SDK1: variants seen among roughly 807,000 people sequenced by gnomAD.
SDK1 encodes sidekick cell adhesion molecule 1.
A neutral mutation model predicts 245.5 loss-of-function variants in SDK1; 157 were observed. The observed-to-expected ratio is 0.64, with a 90% confidence interval of 0.56 to 0.73. SDK1 has a LOEUF of 0.73. SDK1 is among the 30% of genes least tolerant of loss of function. The pLI is 0.00. For synonymous variants in SDK1, 1,647 were observed against 1,278.5 expected, an observed-to-expected ratio of 1.29 and a Z score of -6.15; for missense variants, 3,583 against 3,002.3, an observed-to-expected ratio of 1.19 and a Z score of -4.52.
intron 14 of SDK1, among the ~76,000 whole-genome samples, chr7:3,998,399 C>A (rs1220619570): frequency 6.6e-6 from 1 of 152,222 alleles, no homozygotes; most frequent in Non-Finnish European, 1.5e-5. Flanking sequence ...GTAATACATT[C>A]CTTCCATTCC....
chr7:3,319,449 C>T (rs1012440534), intron 1 of SDK1, among the ~76,000 whole-genome samples: 1 of 152,166 alleles, frequency 6.6e-6, no homozygotes, highest in African/African-American at 2.4e-5. Context: ...CCCATCTACA[C>T]CCATGGCTGG....
intron 1 of SDK1, among the ~76,000 whole-genome samples, chr7:3,476,449 C>G (rs142502948): frequency 1.0e-3 from 155 of 152,246 alleles, no homozygotes; most frequent in Non-Finnish European, 1.8e-3. Flanking sequence ...GATTATTATG[C>G]CATTGTTCTC....
At chr7:3,971,670 C>A in intron 12 of SDK1, 102 bp downstream of exon 12, 2 of 842,598 alleles carry the variant, frequency 2.4e-6, no homozygotes, top group Non-Finnish European at 3.9e-6. Context: ...CTTTTGATTT[C>A]AGCAGCAGGT....
chr7:3,654,761 C>T (rs1051473219), intron 4 of SDK1, among the ~76,000 whole-genome samples: 2 of 152,132 alleles, frequency 1.3e-5, no homozygotes, highest in Non-Finnish European at 2.9e-5. Context: ...TGGTTCCATT[C>T]GAGTTGGCCA....
At chr7:3,875,680 G>A (rs1562506670) in intron 5 of SDK1, among the ~76,000 whole-genome samples, 2 of 152,176 alleles carry the variant, frequency 1.3e-5, no homozygotes, top group Non-Finnish European at 2.9e-5. Context: ...AAAAACTGGG[G>A]TGTGGGCAGG....
chr7:3,667,392 TCCTC>T (rs1234077361), intron 4 of SDK1, among the ~76,000 whole-genome samples: 1 of 152,208 alleles, frequency 6.6e-6, no homozygotes, highest in Non-Finnish European at 1.5e-5. Context: ...GGAAAAGTCT[TCCTC>T]CCAACCTCCT....
At chr7:4,255,646 A>C (rs147857745) in intron 44 of SDK1, among the ~76,000 whole-genome samples, 2 of 152,286 alleles carry the variant, frequency 1.3e-5, no homozygotes, top group South Asian at 4.1e-4. Flanking sequence ...CTTCTTCAAC[A>C]TGGAGTTGGG....
At chr7:3,510,031 C>G (rs1314505893) in intron 1 of SDK1, among the ~76,000 whole-genome samples, 1 of 152,190 alleles carries the variant, frequency 6.6e-6, no homozygotes, top group East Asian at 1.9e-4. Flanking sequence ...AGATATGCAG[C>G]CATGGTTGAC....
intron 43 of SDK1, among the ~76,000 whole-genome samples, chr7:4,244,171 A>G (rs1786696974): frequency 6.6e-6 from 1 of 152,128 alleles, no homozygotes; most frequent in Admixed American, 6.5e-5. Context: ...GTCTCCACCC[A>G]AGGCCTGGTT....
intron 19 of SDK1, among the ~76,000 whole-genome samples, chr7:4,054,241 A>G (rs1428335517): frequency 1.3e-5 from 2 of 152,164 alleles, no homozygotes; most frequent in African/African-American, 4.8e-5. Context: ...ACACTCACCA[A>G]GGTTAACTGA....
chr7:4,040,146 C>T (rs2128161919), intron 17 of SDK1, among the ~76,000 whole-genome samples: 1 of 152,252 alleles, frequency 6.6e-6, no homozygotes, highest in East Asian at 1.9e-4. Context: ...CTGTACCGGG[C>T]TTTATAAGCA....
chr7:3,657,600 G>A (rs562315600), intron 4 of SDK1, among the ~76,000 whole-genome samples: 17 of 127,054 alleles, frequency 1.3e-4, no homozygotes, highest in Admixed American at 5.4e-4. Flanking sequence ...AGGGGACTCG[G>A]GTTTTTTTCC....
chr7:3,830,845 A>T (rs1049688914), intron 5 of SDK1, among the ~76,000 whole-genome samples: 1 of 152,194 alleles, frequency 6.6e-6, no homozygotes, highest in Non-Finnish European at 1.5e-5. Context: ...AGACTTAGCC[A>T]GCAGCGAATG....
At chr7:3,922,321 C>G (rs1444968658) in intron 5 of SDK1, among the ~76,000 whole-genome samples, 1 of 152,218 alleles carries the variant, frequency 6.6e-6, no homozygotes, top group Middle Eastern at 3.2e-3. Flanking sequence ...CTAGTGAGAG[C>G]TGACCCTGGG....
At chr7:3,504,461 A>G (rs1049501260) in intron 1 of SDK1, among the ~76,000 whole-genome samples, 2 of 152,146 alleles carry the variant, frequency 1.3e-5, no homozygotes, top group South Asian at 4.1e-4. Flanking sequence ...GCATAAAGAA[A>G]GACATATATG....
At chr7:3,615,543 G>C (rs1781739012) in intron 1 of SDK1, among the ~76,000 whole-genome samples, 1 of 151,690 alleles carries the variant, frequency 6.6e-6, no homozygotes, top group Non-Finnish European at 1.5e-5. Context: ...TAGATTATAA[G>C]CGCTTAAGGG....
chr7:3,955,490 A>T (rs948629303), intron 7 of SDK1, among the ~76,000 whole-genome samples: 3 of 152,168 alleles, frequency 2.0e-5, no homozygotes, highest in Admixed American at 6.5e-5. Context: ...CCTCTTGCCA[A>T]GTGAGACAGC....
chr7:3,679,194 C>T (rs1392009456), intron 4 of SDK1, among the ~76,000 whole-genome samples: 1 of 152,172 alleles, frequency 6.6e-6, no homozygotes, highest in Non-Finnish European at 1.5e-5. Flanking sequence ...TATTTGCCAG[C>T]CACATGTCTT....
chr7:4,126,548 C>G (rs557626512), intron 25 of SDK1, among the ~76,000 whole-genome samples: 13 of 152,096 alleles, frequency 8.5e-5, no homozygotes, highest in Non-Finnish European at 1.8e-4. Context: ...TGGTAAAACC[C>G]CATCTCTAGT....
Sources: gnomAD v4.1 joint callset for allele counts (sites outside exome capture counted in the v4.1 genomes callset) on GRCh38, gnomAD v4.1.1 for gene constraint, MANE v1.5 for transcripts, NCBI Gene and HGNC (gene_info 2026-07-23, HGNC 2026-07-21) for gene names.